The following EFNA5 variants were observed in gnomAD, a reference collection of about 807,000 sequenced individuals.
The protein encoded by EFNA5 is ephrin-A5.
In EFNA5, 5 loss-of-function variants were observed where a neutral mutation model predicts 22.9. That is an observed-to-expected ratio of 0.22 (90% CI 0.11 to 0.46). EFNA5 has a LOEUF of 0.46. EFNA5 is among the 20% of genes least tolerant of loss of function. The pLI is 0.99. For missense variants in EFNA5, 237 were observed against 293.3 expected (o/e 0.81, Z 1.40); for synonymous variants, 113 against 112.2 (o/e 1.01, Z -0.04).
chr5:107,439,092 C>T (rs1367923146), intron 1 of EFNA5, among the ~76,000 whole-genome samples: 1 of 152,116 alleles, frequency 6.6e-6, no homozygotes, highest in Non-Finnish European at 1.5e-5. Flanking sequence ...CATGTTTAAG[C>T]CCCAACCCAC....
intron 1 of EFNA5, among the ~76,000 whole-genome samples, chr5:107,574,682 G>A (rs187975663): frequency 6.6e-6 from 1 of 152,290 alleles, no homozygotes; most frequent in East Asian, 1.9e-4. Flanking sequence ...AAGCTATATG[G>A]AAGGGGGGAA....
chr5:107,533,874 A>G (rs1023069397), intron 1 of EFNA5, among the ~76,000 whole-genome samples: 3 of 152,244 alleles, frequency 2.0e-5, no homozygotes, highest in African/African-American at 7.2e-5. Flanking sequence ...CCTGAACTGC[A>G]CAGTCATTAG....
intron 4 of EFNA5, among the ~76,000 whole-genome samples, chr5:107,384,768 ATTTT>A (rs61305329): frequency 0.02 from 1,902 of 92,794 alleles, 33 homozygotes; most frequent in African/African-American, 0.065. Flanking sequence ...CACACACCAC[ATTTT>A]TTTTTTTTTT....
At chr5:107,485,632 A>G (rs1242291701) in intron 1 of EFNA5, among the ~76,000 whole-genome samples, 2 of 152,174 alleles carry the variant, frequency 1.3e-5, no homozygotes, top group African/African-American at 2.4e-5. Flanking sequence ...AGAGATACTC[A>G]CTTATTCTGT....
At chr5:107,452,995 A>C (rs1391068420) in intron 1 of EFNA5, among the ~76,000 whole-genome samples, 1 of 152,182 alleles carries the variant, frequency 6.6e-6, no homozygotes, top group Non-Finnish European at 1.5e-5. Context: ...GCTTATATGA[A>C]TGTTGTATCC....
At chr5:107,668,257 G>C (rs983214286) in intron 1 of EFNA5, among the ~76,000 whole-genome samples, 7 of 152,182 alleles carry the variant, frequency 4.6e-5, no homozygotes, top group Middle Eastern at 3.4e-3. Context: ...AAATACTCTT[G>C]GTATTTTAAA....
chr5:107,429,728 G>A (rs979783613), intron 1 of EFNA5, among the ~76,000 whole-genome samples: 2 of 152,058 alleles, frequency 1.3e-5, no homozygotes, highest in African/African-American at 2.4e-5. Context: ...GGAAATGTAT[G>A]GAACAAACTG....
chr5:107,601,763 CT>C (rs1183684780), intron 1 of EFNA5, among the ~76,000 whole-genome samples: 2 of 152,068 alleles, frequency 1.3e-5, no homozygotes, highest in African/African-American at 4.8e-5. Flanking sequence ...TGATCGTTAC[CT>C]TTACAGAAAC....
intron 1 of EFNA5, among the ~76,000 whole-genome samples, chr5:107,503,351 C>A (rs1401852879): frequency 1.3e-5 from 2 of 152,180 alleles, no homozygotes; most frequent in Non-Finnish European, 2.9e-5. Context: ...AACCATCCTA[C>A]TTTCATTAGC....
At chr5:107,434,325 C>T (rs1384023752) in intron 1 of EFNA5, among the ~76,000 whole-genome samples, 2 of 152,154 alleles carry the variant, frequency 1.3e-5, no homozygotes, top group African/African-American at 2.4e-5. Context: ...TCCTCCTGGA[C>T]CCCACACTCC....
chr5:107,544,571 T>C (rs760065548), intron 1 of EFNA5, among the ~76,000 whole-genome samples: 1 of 152,084 alleles, frequency 6.6e-6, no homozygotes, highest in Non-Finnish European at 1.5e-5. Context: ...AAATGATGAA[T>C]CCTTGTAAGT....
chr5:107,438,549 G>A (rs1749175941), intron 1 of EFNA5, among the ~76,000 whole-genome samples: 1 of 152,148 alleles, frequency 6.6e-6, no homozygotes, highest in African/African-American at 2.4e-5. Flanking sequence ...TATGTCCAGG[G>A]GTTTGCTCCA....
intron 1 of EFNA5, among the ~76,000 whole-genome samples, chr5:107,612,966 G>A (rs2112522242): frequency 6.6e-6 from 1 of 152,160 alleles, no homozygotes; most frequent in Non-Finnish European, 1.5e-5. Flanking sequence ...ATTTCTAAAA[G>A]ACTCATTGCT....
At chr5:107,538,219 T>A (rs991208427) in intron 1 of EFNA5, among the ~76,000 whole-genome samples, 1 of 152,238 alleles carries the variant, frequency 6.6e-6, no homozygotes, top group Admixed American at 6.5e-5. Flanking sequence ...TCACTACAGC[T>A]GAGTTTACTC....
At chr5:107,627,635 C>CAA (rs758660866) in intron 1 of EFNA5, among the ~76,000 whole-genome samples, 35 of 71,948 alleles carry the variant, frequency 4.9e-4, no homozygotes, top group Middle Eastern at 0.01. Context: ...GACCACATCT[C>CAA]AAAAAAAAAA....
At chr5:107,662,333 T>G (rs1443922616) in intron 1 of EFNA5, among the ~76,000 whole-genome samples, 1 of 152,186 alleles carries the variant, frequency 6.6e-6, no homozygotes, top group East Asian at 1.9e-4. Flanking sequence ...ACATAAGTAA[T>G]ATTTCACTGT....
intron 1 of EFNA5, among the ~76,000 whole-genome samples, chr5:107,484,036 T>C (rs1206444827): frequency 6.6e-6 from 1 of 152,202 alleles, no homozygotes; most frequent in Non-Finnish European, 1.5e-5. Flanking sequence ...GTGCAAACTT[T>C]CATTTTGCTT....
intron 1 of EFNA5, among the ~76,000 whole-genome samples, chr5:107,512,129 T>A (rs1274833401): frequency 6.6e-6 from 1 of 152,188 alleles, no homozygotes; most frequent in Admixed American, 6.5e-5. Flanking sequence ...TGGGCAGATG[T>A]AAATGGCATT....
intron 1 of EFNA5, among the ~76,000 whole-genome samples, chr5:107,431,104 A>G (rs72785843): frequency 2.3e-3 from 344 of 152,298 alleles, no homozygotes; most frequent in Non-Finnish European, 4.0e-3. Flanking sequence ...TTTAGCAGCC[A>G]TACGACGAAG....
Sources: allele counts gnomAD v4.1 joint callset (sites outside exome capture counted in the v4.1 genomes callset), GRCh38; gene constraint gnomAD v4.1.1; transcripts MANE v1.5; gene names NCBI Gene and HGNC (gene_info 2026-07-23, HGNC 2026-07-21).